MDGA1: variants seen among roughly 807,000 people sequenced by gnomAD.
MDGA1 encodes MAM domain-containing glycosylphosphatidylinositol anchor protein 1.
Under a neutral mutation model 101.5 loss-of-function variants are expected in MDGA1, and 54 were observed. That is an observed-to-expected ratio of 0.53 (90% CI 0.43 to 0.67). MDGA1 has a LOEUF of 0.67. Ranked by LOEUF, MDGA1 falls within the 30% of genes least tolerant of loss-of-function variation. The probability of loss-of-function intolerance (pLI) is 0.00; values close to 1 mark genes in which losing one functional copy is unlikely to be tolerated. For synonymous variants in MDGA1, 533 were observed against 558.3 expected (o/e 0.95, Z 0.64); for missense variants, 1,083 against 1,323.8 (o/e 0.82, Z 2.82).
intron 6 of MDGA1, 135 bp downstream of exon 6, chr6:37,654,139 G>C: frequency 2.0e-6 from 2 of 1,002,780 alleles, no homozygotes; most frequent in East Asian, 2.9e-5. Flanking sequence ...ATCGAAGGGC[G>C]TGGAACATCC....
Position 37,664,842 on chromosome 6 carries a change from G to GACACACACACAC in MDGA1, c.68-748_68-737dup, listed in dbSNP as rs35594367. On this transcript the variant is annotated intron_variant, in intron 1 of 16. Coordinates refer to ENST00000434837, the MANE Select transcript of MDGA1 (RefSeq NM_153487.4). ...TTTGCTTTTAGAGAGCCTAACCTAA[G>GACACACACACAC]ACACACACACACACACACACACACA... Among the ~76,000 whole-genome samples, 416 of 55,238 alleles carry GACACACACACAC rather than the reference G, an allele frequency of 7.5e-3. 48 individuals are homozygous for GACACACACACAC. The highest frequency in any genetic ancestry group is 0.019 in the East Asian group (16 of 862). The allele number at this position is 55,238 out of a possible 152,430, so 36.2% of individuals were successfully genotyped here. A position where few individuals can be genotyped will look rare whatever the true frequency, so the allele number is the denominator to read the frequency against.
chr6:37,670,787 G>A (rs1050780340), intron 1 of MDGA1, among the ~76,000 whole-genome samples: 16 of 152,186 alleles, frequency 1.1e-4, no homozygotes, highest in Admixed American at 2.6e-4. Flanking sequence ...TCAGTTCTGC[G>A]AAGCAGAAAG....
intron 1 of MDGA1, among the ~76,000 whole-genome samples, chr6:37,671,812 C>T (rs1262190257): frequency 6.6e-6 from 1 of 152,180 alleles, no homozygotes; most frequent in Non-Finnish European, 1.5e-5. Context: ...GGATACAACA[C>T]TAGGGTGAGG....
chr6:37,666,755 T>C (rs1192258526), intron 1 of MDGA1, among the ~76,000 whole-genome samples: 1 of 152,194 alleles, frequency 6.6e-6, no homozygotes, highest in African/African-American at 2.4e-5. Flanking sequence ...AAGAGAGATA[T>C]AGAAGGCCCT....
intron 1 of MDGA1, among the ~76,000 whole-genome samples, chr6:37,666,852 A>G (rs1761766387): frequency 6.6e-6 from 1 of 152,222 alleles, no homozygotes. Context: ...ACCAGGCCTC[A>G]GGGAACAGGG....
In MDGA1 at chr6:37,635,914, T is replaced by C. The variant is rs1763919683; in HGVS notation, c.*1454A>G. 1 of 397,040 alleles carries C rather than the reference T, an allele frequency of 2.5e-6. No individual in the cohort carries two copies. Among genetic ancestry groups the C allele is most frequent in the South Asian group, 1.4e-4 (1 of 7,000 alleles). The allele number at this position is 397,040 out of a possible 1,614,324, so 24.6% of individuals were successfully genotyped here. ...ACACGCTGACGTACACGGACATTCA[T>C]AGAAACGAATGGGTCTCAATCCAGT... On this transcript the variant is annotated 3_prime_UTR_variant, in exon 17 of 17. Coordinates refer to ENST00000434837, the MANE Select transcript of MDGA1 (RefSeq NM_153487.4).
intron 1 of MDGA1, among the ~76,000 whole-genome samples, chr6:37,689,471 A>G (rs1762264562): frequency 6.6e-6 from 1 of 152,244 alleles, no homozygotes; most frequent in Non-Finnish European, 1.5e-5. Context: ...AGGCCTTGCT[A>G]CGTGCCAGGC....
chr6:37,637,694 T>C (rs1169383845), intron 16 of MDGA1, among the ~76,000 whole-genome samples: 3 of 152,196 alleles, frequency 2.0e-5, no homozygotes, highest in African/African-American at 7.2e-5. Flanking sequence ...TGGAACAATT[T>C]ACTTGACCTC....
intron 2 of MDGA1, among the ~76,000 whole-genome samples, chr6:37,658,758 C>T (rs1561849764): frequency 6.6e-6 from 1 of 152,240 alleles, no homozygotes; most frequent in East Asian, 1.9e-4. Context: ...ATCACCTGAG[C>T]TCATGAGTTC....
At chr6:37,680,094 C>T (rs1762062257) in intron 1 of MDGA1, among the ~76,000 whole-genome samples, 1 of 152,128 alleles carries the variant, frequency 6.6e-6, no homozygotes, top group African/African-American at 2.4e-5. Flanking sequence ...ACTGACACCT[C>T]AGTGTGAAGA....
At position 37,638,358 on chromosome 6, in the gene MDGA1, T is replaced by TAA; in HGVS notation, c.2668-46_2668-45insTT. 2 of 1,549,308 alleles carry TAA rather than the reference T, an allele frequency of 1.3e-6. No homozygotes were observed. Among genetic ancestry groups the TAA allele is most frequent in the Non-Finnish European group, 1.8e-6 (2 of 1,137,394 alleles). On this transcript the variant is annotated intron_variant, in intron 15 of 16. Transcript: ENST00000434837. This position sits in a 1 kb window ranked among gnomAD's most constrained non-coding sequence, Gnocchi z 4.8. Reference sequence around the variant, plus strand: ...CAAGGAGCAAGGGTTGAGGAGGTTCTGCTGGGTACCAGAGTGCTCCCTCGA... The same window carrying TAA: ...CAAGGAGCAAGGGTTGAGGAGGTTCTAAGCTGGGTACCAGAGTGCTCCCTCGA...
chr6:37,665,679 A>G (rs1302634634), intron 1 of MDGA1, among the ~76,000 whole-genome samples: 1 of 152,208 alleles, frequency 6.6e-6, no homozygotes, highest in Non-Finnish European at 1.5e-5. Context: ...CTTTCTCTTG[A>G]TAAAAGACCA....
rs540494963 is a variant in MDGA1, at chr6:37,635,968, C to T, written c.*1400G>A. 65 of 384,784 alleles carry T rather than the reference C, an allele frequency of 1.7e-4. No homozygotes were observed. Among genetic ancestry groups the T allele is most frequent in the African/African-American group, 1.1e-3 (52 of 48,492 alleles). 23.8% of individuals were successfully genotyped at this position (384,784 alleles called of 1,614,324 possible). On this transcript the variant is annotated 3_prime_UTR_variant, in exon 17 of 17. Coordinates refer to ENST00000434837, the MANE Select transcript of MDGA1 (RefSeq NM_153487.4). Reference sequence around the variant, plus strand: ...ACAGGCAGATATGTGAGATTGCACACACAGACCTGTGTTTGCACACACTCC... The same window carrying T: ...ACAGGCAGATATGTGAGATTGCACATACAGACCTGTGTTTGCACACACTCC...
In MDGA1 at chr6:37,649,199, G is replaced by A; in HGVS notation, c.1677C>T (p.Arg559=). 1 of 1,509,716 alleles carries A rather than the reference G, an allele frequency of 6.6e-7. No homozygotes were observed. Among genetic ancestry groups the A allele is most frequent in the Non-Finnish European group, 8.8e-7 (1 of 1,136,950 alleles). The allele number at this position is 1,509,716 out of a possible 1,614,324, so 93.5% of individuals were successfully genotyped here. A position where few individuals can be genotyped will look rare whatever the true frequency, so the allele number is the denominator to read the frequency against. The part of the protein sequence containing the change: ...RQALGRPVLL[R]CSLLRGSPQR... Reference sequence around the variant, plus strand: ...GGGGGCTGCCTCGCAGCAGCGAGCAGCGCAGGAGCACGGGCCGGCCCAGCG... The same window carrying A: ...GGGGGCTGCCTCGCAGCAGCGAGCAACGCAGGAGCACGGGCCGGCCCAGCG... The change falls in exon 9 of 17, where the codon CGC becomes CGT. Residue 559 remains arginine, a synonymous_variant. Coordinates refer to ENST00000434837, the MANE Select transcript of MDGA1 (RefSeq NM_153487.4).
Position 37,655,820 on chromosome 6 carries a change from C to A in MDGA1, c.459G>T (p.Val153=), listed in dbSNP as rs1383028473. Residue 153 remains valine (V), a synonymous_variant, in exon 4 of 17, where the codon GTG becomes GTT. Transcript: ENST00000434837. This position sits in a 1 kb window ranked among gnomAD's most constrained non-coding sequence, Gnocchi z 5.1. ...TGGAGTTGACAGTACAGCGCAGGAA[C>A]ACCGTCTTCTCCTGGTAGAAGTTGC... ...VRGNFYQEKT[V]FLRCTVNSNP... 1.9e-6 allele frequency: 3 copies of A among 1,613,714 alleles called. No individual in the cohort carries two copies. Among genetic ancestry groups the A allele is most frequent in the South Asian group, 2.2e-5 (2 of 90,984 alleles).
At chr6:37,669,190 T>C (rs1051869963) in intron 1 of MDGA1, among the ~76,000 whole-genome samples, 1 of 152,280 alleles carries the variant, frequency 6.6e-6, no homozygotes, top group African/African-American at 2.4e-5. Context: ...TCTGGTGAGA[T>C]GGAAATGTTG....
At chr6:37,687,671 T>C (rs1224163330) in intron 1 of MDGA1, among the ~76,000 whole-genome samples, 19 of 152,084 alleles carry the variant, frequency 1.2e-4, no homozygotes. Context: ...AGAGTCTCAC[T>C]ATGTTGCCCA....
chr6:37,649,076 C>G lies in MDGA1; in HGVS notation c.1800G>C (p.Leu600=). ...AAAEAPDHAE[L]RLDAVTRDSS... is the part of the protein sequence containing the mutation. ...TGTCGCGAGTTACGGCGTCGAGGCG[C>G]AGCTCCGCGTGATCCGGCGCCTCGG... Residue 600 remains leucine (L), a synonymous_variant, in exon 9 of 17, where the codon CTG becomes CTC. Coordinates refer to ENST00000434837, the MANE Select transcript of MDGA1 (RefSeq NM_153487.4). The G allele has an allele frequency of 3.9e-6, 6 of 1,537,062 alleles. No individual in the cohort carries two copies. The highest frequency in any genetic ancestry group is 2.4e-5 in the South Asian group (2 of 83,564).
intron 1 of MDGA1, among the ~76,000 whole-genome samples, chr6:37,677,109 A>C (rs1761996581): frequency 6.6e-6 from 1 of 152,194 alleles, no homozygotes; most frequent in African/African-American, 2.4e-5. Context: ...ACTTATTATT[A>C]TTAGGTGCCG....
Sources: allele counts gnomAD v4.1 joint callset (sites outside exome capture counted in the v4.1 genomes callset), GRCh38; gene constraint gnomAD v4.1.1; non-coding constraint Gnocchi (gnomAD v3.1); transcripts MANE v1.5; gene names NCBI Gene and HGNC (gene_info 2026-07-23, HGNC 2026-07-21).